The following PDS5A variants were observed in gnomAD, a reference collection of about 807,000 sequenced individuals.
PDS5A encodes the protein sister chromatid cohesion protein PDS5 homolog A.
A neutral mutation model predicts 167.1 loss-of-function variants in PDS5A; 42 were observed. The ratio of observed to expected loss-of-function variants is 0.25; its 90% CI spans 0.20 to 0.33. PDS5A has a LOEUF of 0.33. Ranked by LOEUF, PDS5A falls within the 10% of genes least tolerant of loss-of-function variation. The probability of loss-of-function intolerance (pLI) is 1.00; values close to 1 mark genes in which losing one functional copy is unlikely to be tolerated. For missense variants in PDS5A, 1,033 were observed against 1,605.9 expected, an observed-to-expected ratio of 0.64 and a Z score of 6.10; for synonymous variants, 553 against 554.6, an observed-to-expected ratio of 1.00 and a Z score of 0.04.
rs372384004 is a variant in PDS5A, at chr4:39,835,608, C to T, written c.4010+2248G>A. 4.6e-5 allele frequency among the ~76,000 whole-genome samples: 7 copies of T among 152,152 alleles called. No homozygotes were observed. In the East Asian group the frequency reaches 5.8e-4, roughly 13 times the overall value. ...CCGGATCTCGGCTCACTGCAACCCC[C>T]GCCTCCCGGGTTCAAGCAATTCTCC... On this transcript the variant is annotated intron_variant, in intron 32 of 32. Coordinates refer to ENST00000303538, the MANE Select transcript of PDS5A (RefSeq NM_001100399.2).
intron 2 of PDS5A, among the ~76,000 whole-genome samples, chr4:39,965,937 TTA>T (rs1337003198): frequency 6.6e-6 from 1 of 152,170 alleles, no homozygotes; most frequent in African/African-American, 2.4e-5. Context: ...GTGATAAATT[TTA>T]TGTTATGTAT....
chr4:39,946,506 G>C (rs1295651042), intron 2 of PDS5A, among the ~76,000 whole-genome samples: 1 of 151,998 alleles, frequency 6.6e-6, no homozygotes, highest in East Asian at 1.9e-4. Context: ...CAAAAAGCTG[G>C]TTCTTTGAAA....
intron 21 of PDS5A, among the ~76,000 whole-genome samples, chr4:39,871,477 GA>G (rs1454921549): frequency 6.6e-6 from 1 of 152,156 alleles, no homozygotes; most frequent in Admixed American, 6.5e-5. Context: ...TTCAAAAGTG[GA>G]AGGTGGTACA....
intron 2 of PDS5A, among the ~76,000 whole-genome samples, chr4:39,963,423 C>A (rs1170606863): frequency 6.6e-6 from 1 of 151,996 alleles, no homozygotes; most frequent in Non-Finnish European, 1.5e-5. Context: ...TGCACCACTG[C>A]ACTTCAGCCT....
chr4:39,943,761 C>T (rs977991010), intron 2 of PDS5A, among the ~76,000 whole-genome samples: 5 of 151,522 alleles, frequency 3.3e-5, no homozygotes, highest in Non-Finnish European at 7.4e-5. Flanking sequence ...GAGCCGAGAT[C>T]GTATCACTGC....
intron 2 of PDS5A, among the ~76,000 whole-genome samples, chr4:39,948,641 TA>T (rs1728028417): frequency 6.8e-6 from 1 of 147,554 alleles, no homozygotes. Flanking sequence ...TTTTTTTTTT[TA>T]AAGACCGAGT....
Position 39,904,127 on chromosome 4 carries a change from C to A in PDS5A, c.1298G>T (p.Gly433Val), listed in dbSNP as rs779253517. 1 of 1,611,796 alleles carries A rather than the reference C, an allele frequency of 6.2e-7. No homozygotes were observed. Among genetic ancestry groups the A allele is most frequent in the Non-Finnish European group, 8.5e-7 (1 of 1,178,268 alleles). ...AQLYKKYCLHGEAGKEAAEKV... is the reference protein window; with the variant it reads ...AQLYKKYCLHVEAGKEAAEKV... ...CTCTGCAGCTTCCTTTCCTGCTTCA[C>A]CATGAAGACAGTATTTCTTATAAAG... is the stretch of plus-strand genomic sequence containing the variant. The change falls in exon 12 of 33, where the codon GGT becomes GTT. Residue 433 changes from glycine (G) to valine (V), a missense_variant. This residue lies in a region of PDS5A where 388 missense variants were observed against 615.1 expected (regional missense o/e 0.63). Transcript: ENST00000303538.
At chr4:39,936,391 A>T (rs1394844207) in intron 2 of PDS5A, among the ~76,000 whole-genome samples, 2 of 152,064 alleles carry the variant, frequency 1.3e-5, no homozygotes, top group Non-Finnish European at 2.9e-5. Context: ...AGGTTTAAAA[A>T]TTTGCTAGAA....
chr4:39,949,717 G>A lies in PDS5A; in HGVS notation c.139-21553C>T, dbSNP rs538128115. Among the ~76,000 whole-genome samples the A allele has an allele frequency of 5.3e-5, 8 of 150,072 alleles. No individual in the cohort carries two copies. The South Asian group carries it at 1.1e-3, about 20-fold the overall frequency. ...GGCATGGTGGCGCACACCCGGCTAC[G>A]CAGGAGGCTGGGGTGGCACAATCAC... On this transcript the variant is annotated intron_variant, in intron 2 of 32. Transcript: ENST00000303538.
At chr4:39,867,733 A>AACACACAC (rs142147688) in intron 22 of PDS5A, among the ~76,000 whole-genome samples, 2,795 of 130,642 alleles carry the variant, frequency 0.021, 36 homozygotes, top group East Asian at 0.029. Flanking sequence ...AAAAAACCAA[A>AACACACAC]ACACACACAC....
chr4:39,867,644 C>T (rs973898272), intron 22 of PDS5A, among the ~76,000 whole-genome samples: 1 of 151,644 alleles, frequency 6.6e-6, no homozygotes, highest in East Asian at 1.9e-4. Context: ...TGCTTGAACC[C>T]GGGAGGCAGA....
chr4:39,849,404 T>C (rs1717916955), intron 27 of PDS5A, 116 bp downstream of exon 27: 1 of 651,022 alleles, frequency 1.5e-6, no homozygotes, highest in South Asian at 2.2e-5. Flanking sequence ...TTTACTTTTG[T>C]AAACATTCTA....
intron 2 of PDS5A, among the ~76,000 whole-genome samples, chr4:39,972,777 G>A (rs568434160): frequency 6.6e-6 from 1 of 151,462 alleles, no homozygotes; most frequent in Non-Finnish European, 1.5e-5. Context: ...ACTTAAAACA[G>A]AACTGATATT....
intron 17 of PDS5A, among the ~76,000 whole-genome samples, chr4:39,881,323 C>T (rs1720909038): frequency 6.6e-6 from 1 of 151,606 alleles, no homozygotes; most frequent in Non-Finnish European, 1.5e-5. Flanking sequence ...AGTGGGATTG[C>T]TGGATCATAT....
chr4:39,958,408 G>A (rs893617256), intron 2 of PDS5A, among the ~76,000 whole-genome samples: 2 of 150,814 alleles, frequency 1.3e-5, no homozygotes, highest in Non-Finnish European at 2.9e-5. Flanking sequence ...TCAGGAGGCT[G>A]AGCCAGGAGA....
chr4:39,930,246 A>AAAAAAAAAAAAAAAAAAAAAT, intron 2 of PDS5A, among the ~76,000 whole-genome samples: 1 of 93,166 alleles, frequency 1.1e-5, no homozygotes, highest in Non-Finnish European at 2.2e-5. Flanking sequence ...AAAAAAAAAA[A>AAAAAAAAAAAAAAAAAAAAAT]GTTTTTTTGT....
intron 20 of PDS5A, 110 bp from the exon 21 acceptor site, chr4:39,873,254 A>G (rs1005688906): frequency 3.9e-6 from 2 of 510,630 alleles, no homozygotes; most frequent in East Asian, 6.6e-5. Flanking sequence ...GCCCAAACCA[A>G]TCTTCTCTAA....
chr4:39,942,890 G>A (rs533315119), intron 2 of PDS5A, among the ~76,000 whole-genome samples: 8 of 151,938 alleles, frequency 5.3e-5, no homozygotes, highest in African/African-American at 1.7e-4. Context: ...TGGGAGGATC[G>A]TTTGATGCCT....
intron 28 of PDS5A, 181 bp from the exon 29 acceptor site, chr4:39,846,061 T>A: frequency 1.9e-6 from 1 of 516,658 alleles, no homozygotes; most frequent in East Asian, 4.3e-5. Context: ...AAGTCTAGCT[T>A]TAAATTAAAC....
Sources: allele counts gnomAD v4.1 joint callset (sites outside exome capture counted in the v4.1 genomes callset), GRCh38; gene constraint gnomAD v4.1.1; regional missense constraint gnomAD v4.1.1; transcripts MANE v1.5; gene names NCBI Gene and HGNC (gene_info 2026-07-23, HGNC 2026-07-21).